Variants in DOT1L observed in about 807,000 individuals in gnomAD.
The protein encoded by DOT1L is DOT1 like histone lysine methyltransferase, also known as histone-lysine N-methyltransferase, H3 lysine-79 specific.
In DOT1L, 33 loss-of-function variants were observed where a neutral mutation model predicts 153.3. The ratio of observed to expected loss-of-function variants is 0.22; its 90% confidence interval spans 0.16 to 0.29. The LOEUF (loss-of-function observed/expected upper bound fraction) is 0.29, where lower values mean the gene tolerates loss of function less well. DOT1L is among the 10% of genes least tolerant of loss of function. DOT1L has a pLI of 1.00. For synonymous variants in DOT1L, 1,135 were observed against 965.1 expected, an observed-to-expected ratio of 1.18 and a Z score of -3.26; for missense variants, 1,847 against 2,119.9, an observed-to-expected ratio of 0.87 and a Z score of 2.53.
At chr19:2,206,691 T>C in intron 9 of DOT1L, 38 bp from the exon 10 acceptor site, 1 of 1,610,036 alleles carries the variant, frequency 6.2e-7, no homozygotes, top group South Asian at 1.1e-5. Flanking sequence ...TTCTGTTTCC[T>C]CTCTCCTGTG....
intron 9 of DOT1L, among the ~76,000 whole-genome samples, chr19:2,203,352 C>T (rs1324190540): frequency 1.3e-5 from 2 of 152,184 alleles, no homozygotes; most frequent in African/African-American, 4.8e-5. Context: ...CTGCCCGCCT[C>T]GGCCCCCGCA....
In DOT1L at chr19:2,190,440, G is replaced by A. The variant is rs2022741410; in HGVS notation, c.265-572G>A. On this transcript the variant is annotated intron_variant, in intron 4 of 27. Coordinates refer to ENST00000398665, the MANE Select transcript of DOT1L (RefSeq NM_032482.3). This position sits in a 1 kb window ranked among gnomAD's most constrained non-coding sequence, Gnocchi z 4.8. ...TGGCCCTCCTGAGTGGGACTGGGCTGGGCTGGGCTGCCCCATCAGCCTGCC... is the reference window on the plus strand; with the variant it reads ...TGGCCCTCCTGAGTGGGACTGGGCTAGGCTGGGCTGCCCCATCAGCCTGCC... Among the ~76,000 whole-genome samples the A allele has an allele frequency of 6.6e-6, 1 of 152,064 alleles. No individual in the cohort carries two copies. Among genetic ancestry groups the A allele is most frequent in the Admixed American group, 6.5e-5 (1 of 15,270 alleles).
Position 2,207,301 on chromosome 19 carries a change from T to C in DOT1L, c.857-273T>C, listed in dbSNP as rs2023536485. ...GCCGTTCTTGCAGCCGTGATCTAAGTCGCTTCCAGATCTTCTCCCCCTCCT... is the reference window on the plus strand; with the variant it reads ...GCCGTTCTTGCAGCCGTGATCTAAGCCGCTTCCAGATCTTCTCCCCCTCCT... On this transcript the variant is annotated intron_variant, in intron 10 of 27. Transcript: ENST00000398665. The surrounding 1 kb of genome is among the most constrained non-coding windows in gnomAD (Gnocchi z 4.5). Among the ~76,000 whole-genome samples, 2 of 152,198 alleles carry C rather than the reference T, an allele frequency of 1.3e-5. No homozygotes were observed. Among genetic ancestry groups the C allele is most frequent in the South Asian group, 4.1e-4 (2 of 4,836 alleles).
Position 2,227,219 on chromosome 19 carries a change from G to A in DOT1L, c.4606+92G>A, listed in dbSNP as rs913351673. ...TTCCCTTCCGCACTCTCTTGCAGCA[G>A]GAGCTGAGCTGCAGGTCCCCTGGTG... is the stretch of plus-strand genomic sequence containing the variant. On this transcript the variant is annotated intron_variant, in intron 27 of 27. Coordinates refer to ENST00000398665, the MANE Select transcript of DOT1L (RefSeq NM_032482.3). The A allele has an allele frequency of 2.7e-6, 4 of 1,495,878 alleles. No individual in the cohort carries two copies. In the South Asian group the frequency reaches 3.4e-5, roughly 13 times the overall value. The allele number at this position is 1,495,878 out of a possible 1,614,324, so 92.7% of individuals were successfully genotyped here.
intron 1 of DOT1L, among the ~76,000 whole-genome samples, chr19:2,180,039 C>G (rs1456998269): frequency 2.0e-5 from 3 of 152,052 alleles, no homozygotes; most frequent in South Asian, 4.2e-4. Flanking sequence ...TTGACATTGG[C>G]CTTGTAGAGG....
chr19:2,176,912 C>T (rs891500145), intron 1 of DOT1L, among the ~76,000 whole-genome samples: 8 of 152,176 alleles, frequency 5.3e-5, no homozygotes, highest in African/African-American at 1.7e-4. Flanking sequence ...CTGCCGTGGG[C>T]CCTGACAGTG....
intron 8 of DOT1L, among the ~76,000 whole-genome samples, chr19:2,201,122 C>T (rs1323806620): frequency 1.5e-5 from 2 of 133,516 alleles, no homozygotes; most frequent in African/African-American, 5.7e-5. Flanking sequence ...GTCCTCCCCG[C>T]ATTCCTCGTC....
intron 2 of DOT1L, among the ~76,000 whole-genome samples, chr19:2,181,997 G>A (rs1008840223): frequency 9.9e-5 from 15 of 152,098 alleles, no homozygotes; most frequent in Non-Finnish European, 2.2e-4. Context: ...CCAAGGCAGG[G>A]AGATCGCTTG....
intron 27 of DOT1L, 90 bp from the exon 28 acceptor site, chr19:2,229,695 G>A: frequency 6.2e-7 from 1 of 1,607,390 alleles, no homozygotes; most frequent in East Asian, 2.2e-5. Context: ...GTGCTCGTGG[G>A]AGGCCTCGGT....
At chr19:2,164,422 C>T (rs2019829333) in intron 1 of DOT1L, 157 bp downstream of exon 1, 1 of 456,304 alleles carries the variant, frequency 2.2e-6, no homozygotes, top group South Asian at 1.1e-4. Context: ...TGCTTCCCGG[C>T]CGAGGGCCCC....
At position 2,232,555 on chromosome 19, in the gene DOT1L, A is replaced by G; in HGVS notation, c.*2763A>G. The G allele has an allele frequency of 9.5e-6, 2 of 209,822 alleles. No individual in the cohort carries two copies. The highest frequency in any genetic ancestry group is 7.1e-5 in the East Asian group (1 of 14,068). 13.0% of individuals were successfully genotyped at this position (209,822 alleles called of 1,614,324 possible). A position where few individuals can be genotyped will look rare whatever the true frequency, so the allele number is the denominator to read the frequency against. On this transcript the variant is annotated 3_prime_UTR_variant, in exon 28 of 28. Transcript: ENST00000398665. ...TGCATCCCCACCTCTAGACGCTGTA[A>G]TAAACAGACTGTTTTCACTCGGACC...
At chr19:2,167,572 G>A (rs1485239683) in intron 1 of DOT1L, among the ~76,000 whole-genome samples, 35 of 152,172 alleles carry the variant, frequency 2.3e-4, no homozygotes, top group Admixed American at 2.3e-3. Context: ...GCCTCTTCCT[G>A]CTCTGGTTGG....
chr19:2,201,397 C>A (rs1451443840), intron 8 of DOT1L, among the ~76,000 whole-genome samples: 2 of 151,904 alleles, frequency 1.3e-5, no homozygotes, highest in Non-Finnish European at 2.9e-5. Context: ...CCCCATGCCT[C>A]TCGTCCTCCC....
At position 2,232,256 on chromosome 19, in the gene DOT1L, G is replaced by A. The variant is rs573497778; in HGVS notation, c.*2464G>A. 1.8e-5 allele frequency: 4 copies of A among 217,726 alleles called. No individual in the cohort carries two copies. The highest frequency in any genetic ancestry group is 1.8e-4 in the South Asian group (1 of 5,420). 13.5% of individuals were successfully genotyped at this position (217,726 alleles called of 1,614,324 possible). A position where few individuals can be genotyped will look rare whatever the true frequency, so the allele number is the denominator to read the frequency against. Reference sequence around the variant, plus strand: ...ACCCCCTCCTCGGCCCATGAGGCACGCACAGTGACTTATTTAAGACTTCCC... The same window carrying A: ...ACCCCCTCCTCGGCCCATGAGGCACACACAGTGACTTATTTAAGACTTCCC... On this transcript the variant is annotated 3_prime_UTR_variant, in exon 28 of 28. Transcript: ENST00000398665.
chr19:2,209,731 G>A (rs1377584615), intron 12 of DOT1L, among the ~76,000 whole-genome samples: 1 of 152,232 alleles, frequency 6.6e-6, no homozygotes, highest in Non-Finnish European at 1.5e-5. Context: ...CTTTTGGAGG[G>A]GGTCAGACAA....
Position 2,173,332 on chromosome 19 carries a change from C to T in DOT1L, c.82-7381C>T, listed in dbSNP as rs549434829. On this transcript the variant is annotated intron_variant, in intron 1 of 27. Transcript: ENST00000398665. ...CGAGGGCGAGGAGAGTTCTGGTCAG[C>T]GCGTCCAGCCTCCCTCCTGTGTTGC... Among the ~76,000 whole-genome samples, 310 of 152,242 alleles carry T rather than the reference C, an allele frequency of 2.0e-3. 1 individual carries two copies. The highest frequency in any genetic ancestry group is 6.7e-3 in the African/African-American group (278 of 41,534).
At chr19:2,227,899 G>C (rs1004285222) in intron 27 of DOT1L, 1 of 1,242,596 alleles carries the variant, frequency 8.0e-7, no homozygotes, top group South Asian at 1.3e-5. Flanking sequence ...GTTGAGACCC[G>C]GCCGCCCCCT....
At chr19:2,214,055 G>A in intron 18 of DOT1L, 69 bp downstream of exon 18, 1 of 1,543,680 alleles carries the variant, frequency 6.5e-7, no homozygotes, top group East Asian at 2.4e-5. Flanking sequence ...TGTGTCCTCT[G>A]TGCGGGTGGG....
At position 2,197,679 on chromosome 19, in the gene DOT1L, A is replaced by G. The variant is rs7260640; in HGVS notation, c.652-2205A>G. On this transcript the variant is annotated intron_variant, in intron 7 of 27. Transcript: ENST00000398665. The surrounding 1 kb of genome is among the most constrained non-coding windows in gnomAD (Gnocchi z 4.1). ...AGGTTTAGGTGCTCACGGTCAGGCC[A>G]GTGGCTCCTGAGATGTGTCTGGGAG... Among the ~76,000 whole-genome samples, 4,129 of 152,266 alleles carry G rather than the reference A, an allele frequency of 0.027. 88 individuals carry two copies. Among genetic ancestry groups the G allele is most frequent in the South Asian group, 0.048 (230 of 4,818 alleles).
Sources: allele counts gnomAD v4.1 joint callset (sites outside exome capture counted in the v4.1 genomes callset), GRCh38; gene constraint gnomAD v4.1.1; non-coding constraint Gnocchi (gnomAD v3.1); transcripts MANE v1.5; gene names NCBI Gene and HGNC (gene_info 2026-07-23, HGNC 2026-07-21).